The following SKAP2 variants were observed in gnomAD, a reference collection of about 807,000 sequenced individuals.
SKAP2 encodes src kinase-associated phosphoprotein 2.
In SKAP2, 28 loss-of-function variants were observed where a neutral mutation model predicts 54.9. The observed-to-expected ratio is 0.51, with a 90% CI of 0.38 to 0.70. The LOEUF is 0.70. Ranked by LOEUF, SKAP2 falls within the 30% of genes least tolerant of loss-of-function variation. The pLI is 0.00. For synonymous variants in SKAP2, 137 were observed against 134.3 expected (o/e 1.02, Z -0.14); for missense variants, 356 against 424.1 (o/e 0.84, Z 1.41).
At chr7:26,756,184 A>AT (rs898131889) in intron 4 of SKAP2, among the ~76,000 whole-genome samples, 7 of 152,126 alleles carry the variant, frequency 4.6e-5, no homozygotes, top group East Asian at 1.9e-4. Flanking sequence ...CTTTTTGTTA[A>AT]TTTTTTTTAT....
At chr7:26,717,774 G>A (rs1439927172) in intron 9 of SKAP2, among the ~76,000 whole-genome samples, 3 of 151,282 alleles carry the variant, frequency 2.0e-5, no homozygotes, top group African/African-American at 7.3e-5. Context: ...AGAGGTTGCA[G>A]GGAGTTGAGA....
chr7:26,766,907 A>C lies in SKAP2; in HGVS notation c.308-26943T>G, dbSNP rs560280405. Among the ~76,000 whole-genome samples, 12 of 152,332 alleles carry C rather than the reference A, an allele frequency of 7.9e-5. No homozygotes were observed. In the South Asian group the frequency reaches 2.5e-3, roughly 32 times the overall value. On this transcript the variant is annotated intron_variant, in intron 4 of 12. Transcript: ENST00000345317. The stretch of plus-strand genomic sequence containing the variant: ...GATGATTTTCACATCGATGTTCATC[A>C]GGGATATTGGCCTGAAATTTTCTTT...
intron 4 of SKAP2, among the ~76,000 whole-genome samples, chr7:26,807,875 C>CTT (rs35567458): frequency 2.6e-5 from 4 of 151,950 alleles, no homozygotes; most frequent in African/African-American, 9.7e-5. Flanking sequence ...ATTGTTAGCA[C>CTT]TTTTTTTAGC....
chr7:26,672,403 G>A (rs1786261579), intron 11 of SKAP2, among the ~76,000 whole-genome samples: 1 of 151,850 alleles, frequency 6.6e-6, no homozygotes, highest in South Asian at 2.1e-4. Flanking sequence ...AAAGCATAGT[G>A]GTAAACAGCA....
chr7:26,696,816 AG>A (rs1229313771), intron 9 of SKAP2, among the ~76,000 whole-genome samples: 2 of 152,164 alleles, frequency 1.3e-5, no homozygotes, highest in African/African-American at 4.8e-5. Flanking sequence ...TGGGAGGCCA[AG>A]GCAGGAGGAT....
At chr7:26,860,867 A>T (rs1004120553) in intron 1 of SKAP2, among the ~76,000 whole-genome samples, 4 of 110 alleles carry the variant, frequency 0.036, no homozygotes, top group South Asian at 0.25. Flanking sequence ...GTGGGAAAAA[A>T]TTTTCTAATG....
chr7:26,736,286 A>C (rs1297722153), intron 6 of SKAP2, among the ~76,000 whole-genome samples: 1 of 152,174 alleles, frequency 6.6e-6, no homozygotes, highest in Non-Finnish European at 1.5e-5. Context: ...CACCAAAATC[A>C]AGATGGTGAT....
intron 11 of SKAP2, among the ~76,000 whole-genome samples, chr7:26,678,153 G>A (rs1343783948): frequency 6.6e-6 from 1 of 152,036 alleles, no homozygotes; most frequent in East Asian, 1.9e-4. Flanking sequence ...ACTTCACAGG[G>A]TTATTATATT....
intron 9 of SKAP2, among the ~76,000 whole-genome samples, chr7:26,707,604 C>A (rs1787192288): frequency 6.6e-6 from 1 of 152,138 alleles, no homozygotes; most frequent in East Asian, 1.9e-4. Flanking sequence ...CAGACCTGTC[C>A]TTCCCCACTT....
intron 3 of SKAP2, among the ~76,000 whole-genome samples, chr7:26,851,225 C>A (rs1785033401): frequency 7.1e-6 from 1 of 140,528 alleles, no homozygotes; most frequent in South Asian, 2.2e-4. Flanking sequence ...CGAGACCAGT[C>A]TGTGACACGT....
In SKAP2 at chr7:26,722,385, A is replaced by ATTTTTTTT. The variant is rs35643377; in HGVS notation, c.796+3035_796+3042dup. Among the ~76,000 whole-genome samples, 6 of 89,056 alleles carry ATTTTTTTT rather than the reference A, an allele frequency of 6.7e-5. 1 individual carries two copies. The highest frequency in any genetic ancestry group is 1.4e-4 in the African/African-American group (3 of 22,096). 58.4% of individuals were successfully genotyped at this position (89,056 alleles called of 152,430 possible). A position where few individuals can be genotyped will look rare whatever the true frequency, so the allele number is the denominator to read the frequency against. ...TTTTCAAGGGATATTATGCAATGCA[A>ATTTTTTTT]TTTTTTTTTTTTTTTTTTTTTTTTG... is the stretch of plus-strand genomic sequence containing the variant. On this transcript the variant is annotated intron_variant, in intron 9 of 12. Transcript: ENST00000345317.
At chr7:26,846,501 C>T (rs1260323665) in intron 3 of SKAP2, among the ~76,000 whole-genome samples, 3 of 152,002 alleles carry the variant, frequency 2.0e-5, no homozygotes, top group East Asian at 1.9e-4. Context: ...CTATATTCAA[C>T]GAATATGTAT....
At chr7:26,827,322 C>T (rs1784512180) in intron 4 of SKAP2, among the ~76,000 whole-genome samples, 1 of 152,060 alleles carries the variant, frequency 6.6e-6, no homozygotes, top group Non-Finnish European at 1.5e-5. Flanking sequence ...AGTTGATATT[C>T]AAATTCAATT....
Position 26,843,144 on chromosome 7 carries a change from G to A in SKAP2, c.307+886C>T, listed in dbSNP as rs570055866. Among the ~76,000 whole-genome samples the A allele has an allele frequency of 9.2e-5, 14 of 152,188 alleles. No homozygotes were observed. In the East Asian group the frequency reaches 2.7e-3, roughly 29 times the overall value. ...GGGAATAATCTGGATAACATAAAAT[G>A]TGGAGTGCTCTGTTGCAGGAAGCAT... is the stretch of plus-strand genomic sequence containing the variant. On this transcript the variant is annotated intron_variant, in intron 4 of 12. Coordinates refer to ENST00000345317, the MANE Select transcript of SKAP2 (RefSeq NM_003930.5).
intron 3 of SKAP2, among the ~76,000 whole-genome samples, chr7:26,852,085 A>G (rs976305160): frequency 6.6e-6 from 1 of 152,132 alleles, no homozygotes; most frequent in Non-Finnish European, 1.5e-5. Flanking sequence ...AGAGAGAGAC[A>G]AGAGGGAAGA....
At chr7:26,740,352 C>T (rs1782413198) in intron 4 of SKAP2, among the ~76,000 whole-genome samples, 1 of 152,118 alleles carries the variant, frequency 6.6e-6, no homozygotes, top group African/African-American at 2.4e-5. Context: ...CTCTTTCCTG[C>T]ATAATCCCTA....
chr7:26,686,233 T>C (rs145786898), intron 10 of SKAP2, among the ~76,000 whole-genome samples: 23 of 152,256 alleles, frequency 1.5e-4, no homozygotes, highest in African/African-American at 3.1e-4. Flanking sequence ...TTTTTGCTTA[T>C]AAGAAAATAA....
chr7:26,675,933 T>C (rs1786341193), intron 11 of SKAP2, among the ~76,000 whole-genome samples: 1 of 152,190 alleles, frequency 6.6e-6, no homozygotes, highest in African/African-American at 2.4e-5. Flanking sequence ...ATTCCAGTTC[T>C]TGGAAAAAAT....
intron 4 of SKAP2, among the ~76,000 whole-genome samples, chr7:26,810,521 A>G (rs1404778171): frequency 6.6e-6 from 1 of 152,146 alleles, no homozygotes; most frequent in African/African-American, 2.4e-5. Flanking sequence ...TGCTTAACCT[A>G]CTTATACTTG....
Sources: gnomAD v4.1 joint callset for allele counts (sites outside exome capture counted in the v4.1 genomes callset) on GRCh38, gnomAD v4.1.1 for gene constraint, MANE v1.5 for transcripts, NCBI Gene and HGNC (gene_info 2026-07-23, HGNC 2026-07-21) for gene names.